Variants in CDH18 observed in about 807,000 individuals in gnomAD.
The protein encoded by CDH18 is cadherin 18, also known as cadherin-18.
A neutral mutation model predicts 67.9 loss-of-function variants in CDH18; 31 were observed. The ratio of observed to expected loss-of-function variants is 0.46; its 90% confidence interval spans 0.34 to 0.62. The LOEUF (loss-of-function observed/expected upper bound fraction) is 0.62. Ranked by LOEUF, CDH18 falls within the 20% of genes least tolerant of loss-of-function variation. The pLI is 0.01. For missense variants in CDH18, 890 were observed against 975.5 expected (o/e 0.91, Z 1.17); for synonymous variants, 362 against 347.2 (o/e 1.04, Z -0.48).
intron 3 of CDH18, among the ~76,000 whole-genome samples, chr5:19,818,089 C>T (rs1779484538): frequency 6.6e-6 from 1 of 152,088 alleles, no homozygotes; most frequent in Non-Finnish European, 1.5e-5. Context: ...CTAGCTTTGA[C>T]ACACAGACTG....
intron 2 of CDH18, among the ~76,000 whole-genome samples, chr5:20,067,177 G>A (rs1269349159): frequency 1.3e-5 from 2 of 151,774 alleles, no homozygotes; most frequent in Non-Finnish European, 2.9e-5. Flanking sequence ...TTATATCAGT[G>A]ACTTGAGCGT....
chr5:19,973,938 G>A (rs74620691), intron 2 of CDH18, among the ~76,000 whole-genome samples: 1,842 of 152,158 alleles, frequency 0.012, 53 homozygotes, highest in African/African-American at 0.042. Flanking sequence ...CTTAGAGGGA[G>A]TATTTGCTGA....
chr5:19,564,667 C>G (rs967421175), intron 8 of CDH18, among the ~76,000 whole-genome samples: 11 of 152,074 alleles, frequency 7.2e-5, no homozygotes, highest in African/African-American at 2.7e-4. Context: ...TCTTCCTGCT[C>G]AAGGACGGGA....
At chr5:19,856,650 A>G (rs1483135477) in intron 2 of CDH18, among the ~76,000 whole-genome samples, 5 of 152,080 alleles carry the variant, frequency 3.3e-5, no homozygotes, top group African/African-American at 1.2e-4. Flanking sequence ...GCCCTACTTC[A>G]ATCTGATGAG....
chr5:20,410,158 C>A (rs183679056), intron 1 of CDH18, among the ~76,000 whole-genome samples: 1 of 146,738 alleles, frequency 6.8e-6, no homozygotes, highest in Admixed American at 7.0e-5. Context: ...TAATCTGATA[C>A]CAAAGCCAGA....
chr5:19,474,780 GCTAA>G (rs936377995), intron 12 of CDH18, among the ~76,000 whole-genome samples: 2 of 152,094 alleles, frequency 1.3e-5, no homozygotes, highest in Admixed American at 6.6e-5. Flanking sequence ...GATAGCTCTT[GCTAA>G]ATATGGTGGA....
At chr5:20,393,012 C>A (rs923674853) in intron 1 of CDH18, among the ~76,000 whole-genome samples, 2 of 151,796 alleles carry the variant, frequency 1.3e-5, no homozygotes, top group Non-Finnish European at 3.0e-5. Flanking sequence ...TGATTATTAT[C>A]CAGAATGATA....
At chr5:20,344,862 G>A (rs1214506153) in intron 1 of CDH18, among the ~76,000 whole-genome samples, 1 of 151,958 alleles carries the variant, frequency 6.6e-6, no homozygotes, top group Non-Finnish European at 1.5e-5. Flanking sequence ...GTAACATATG[G>A]GGCCTATTGA....
intron 11 of CDH18, among the ~76,000 whole-genome samples, chr5:19,489,433 GAGAC>G (rs1265877141): frequency 6.6e-6 from 1 of 151,764 alleles, no homozygotes; most frequent in South Asian, 2.1e-4. Context: ...ATTTTTAGTA[GAGAC>G]AGGGTTTCAC....
chr5:19,560,892 A>G (rs1318889830), intron 8 of CDH18, among the ~76,000 whole-genome samples: 1 of 152,204 alleles, frequency 6.6e-6, no homozygotes, highest in Non-Finnish European at 1.5e-5. Flanking sequence ...CAAATGGCCA[A>G]TAAACAGATG....
chr5:19,719,939 A>AAGAAAGAAAGAG (rs1765840427), intron 5 of CDH18, among the ~76,000 whole-genome samples: 1 of 151,440 alleles, frequency 6.6e-6, no homozygotes, highest in African/African-American at 2.4e-5. Flanking sequence ...GAAAGAAAGA[A>AAGAAAGAAAGAG]AGAAAGAAAG....
In CDH18 at chr5:20,348,704, G is replaced by A. The variant is rs79951178; in HGVS notation, c.-579-93199C>T. On this transcript the variant is annotated intron_variant, in intron 1 of 14. Coordinates refer to the CDH18 transcript ENST00000507958. ...CACATACAAACATAAAGTGAAGAGA[G>A]TGCATTCCTACACATAAGATGGGAT... 7.4e-3 allele frequency among the ~76,000 whole-genome samples: 1,134 copies of A among 152,250 alleles called. 12 individuals carry two copies. Among genetic ancestry groups the A allele is most frequent in the African/African-American group, 0.026 (1,068 of 41,552 alleles).
At chr5:20,516,383 C>T (rs1483228368) in intron 1 of CDH18, among the ~76,000 whole-genome samples, 1 of 151,682 alleles carries the variant, frequency 6.6e-6, no homozygotes, top group Non-Finnish European at 1.5e-5. Context: ...AAAATTCAAC[C>T]GTTAATCAAA....
chr5:20,546,834 G>GA (rs372424818), intron 1 of CDH18, among the ~76,000 whole-genome samples: 1,863 of 151,868 alleles, frequency 0.012, 29 homozygotes, highest in African/African-American at 0.043. Context: ...CAAGCATACT[G>GA]AAAAAACAAT....
intron 1 of CDH18, among the ~76,000 whole-genome samples, chr5:20,477,540 C>T (rs1752522485): frequency 1.3e-5 from 2 of 152,150 alleles, no homozygotes; most frequent in East Asian, 1.9e-4. Flanking sequence ...CAGCAAAAAG[C>T]AGCATGGGGC....
intron 6 of CDH18, among the ~76,000 whole-genome samples, chr5:19,592,195 T>C (rs561146869): frequency 6.6e-6 from 1 of 151,946 alleles, no homozygotes; most frequent in African/African-American, 2.4e-5. Context: ...GATGGATAGA[T>C]AGACAGATAG....
Position 19,473,261 on chromosome 5 carries a change from G to C in CDH18, c.2338C>G (p.Leu780Val). 1 of 1,613,564 alleles carries C rather than the reference G, an allele frequency of 6.2e-7. No individual in the cohort carries two copies. The highest frequency in any genetic ancestry group is 8.5e-7 in the Non-Finnish European group (1 of 1,179,708). Reference protein sequence around the residue: ...WGPEFKKLAELYGEIESERTT With the variant: ...WGPEFKKLAEVYGEIESERTT ...CTTTCAGATTCTATTTCTCCATAGA[G>C]TTCAGCTAACTTTTTAAACTCGGGT... Residue 780 changes from leucine (L) to valine (V), a missense_variant, in exon 13 of 13, where the codon CTC becomes GTC. This residue lies in a region of CDH18 where 656 missense variants were observed against 668.1 expected (regional missense o/e 0.98). Transcript: ENST00000382275.
chr5:19,561,064 T>A (rs1282850630), intron 8 of CDH18, among the ~76,000 whole-genome samples: 1 of 152,046 alleles, frequency 6.6e-6, no homozygotes, highest in Admixed American at 6.6e-5. Context: ...TTGGTGGGAG[T>A]GCAAACTAGT....
At chr5:19,676,895 T>C (rs984777933) in intron 5 of CDH18, among the ~76,000 whole-genome samples, 2 of 152,120 alleles carry the variant, frequency 1.3e-5, no homozygotes, top group Admixed American at 6.6e-5. Context: ...CTTCCAAGCA[T>C]ACTTTCCTTT....
Sources: allele counts gnomAD v4.1 joint callset (sites outside exome capture counted in the v4.1 genomes callset), GRCh38; gene constraint gnomAD v4.1.1; regional missense constraint gnomAD v4.1.1; transcripts MANE v1.5; gene names NCBI Gene and HGNC (gene_info 2026-07-23, HGNC 2026-07-21).